The following ARHGEF40 variants were observed in gnomAD, a reference collection of about 807,000 sequenced individuals.
ARHGEF40 encodes Rho guanine nucleotide exchange factor (GEF) 40.
ARHGEF40 carries 98 observed loss-of-function variants against 165.9 expected under a neutral mutation model. The observed-to-expected ratio is 0.59, with a 90% CI of 0.50 to 0.70. The LOEUF is 0.70. Among genes scored for constraint, ARHGEF40 ranks in the 30% least tolerant of loss-of-function variants. The probability of loss-of-function intolerance (pLI) is 0.00; values close to 1 mark genes in which losing one functional copy is unlikely to be tolerated. For missense variants in ARHGEF40, 1,815 were observed against 1,968.0 expected (o/e 0.92, Z 1.47); for synonymous variants, 792 against 814.3 (o/e 0.97, Z 0.47).
chr14:21,086,343 T>C (rs1888329543), intron 19 of ARHGEF40: 1 of 158,060 alleles, frequency 6.3e-6, no homozygotes, highest in African/African-American at 2.4e-5. Context: ...GCCACTGTAC[T>C]TGAGCCTGAG....
chr14:21,070,310 G>A lies in ARHGEF40; in HGVS notation c.-87G>A, dbSNP rs1026561734. The A allele has an allele frequency of 5.4e-5, 74 of 1,369,636 alleles. No homozygotes were observed. Among genetic ancestry groups the A allele is most frequent in the Non-Finnish European group, 6.7e-5 (71 of 1,060,344 alleles). The allele number at this position is 1,369,636 out of a possible 1,614,324, so 84.8% of individuals were successfully genotyped here. On this transcript the variant is annotated 5_prime_UTR_variant, in exon 1 of 24. Transcript: ENST00000298694. The surrounding 1 kb of genome is among the most constrained non-coding windows in gnomAD (Gnocchi z 4.7). Reference sequence around the variant, plus strand: ...CCGGAGCTGTCCCTTAGCCAGACCCGGCGAGACACGAGCGGCGGGAGGGAG... The same window carrying A: ...CCGGAGCTGTCCCTTAGCCAGACCCAGCGAGACACGAGCGGCGGGAGGGAG...
Position 21,081,407 on chromosome 14 carries a change from G to C in ARHGEF40, c.2641-102G>C, listed in dbSNP as rs1030882130. On this transcript the variant is annotated intron_variant, in intron 13 of 23. Transcript: ENST00000298694. ...AAAACAGGAGAGTGACGGGCATTGGGAGGCCACAGGCAAGAGGACAAGGGC... is the reference window on the plus strand; with the variant it reads ...AAAACAGGAGAGTGACGGGCATTGGCAGGCCACAGGCAAGAGGACAAGGGC... 5 of 1,482,440 alleles carry C rather than the reference G, an allele frequency of 3.4e-6. No individual in the cohort carries two copies. In the African/African-American group the frequency reaches 7.0e-5, roughly 21 times the overall value. 91.8% of individuals were successfully genotyped at this position (1,482,440 alleles called of 1,614,324 possible). A position where few individuals can be genotyped will look rare whatever the true frequency, so the allele number is the denominator to read the frequency against.
rs1307162790 is a variant in ARHGEF40, at chr14:21,075,041, C to T, written c.1311C>T (p.Gly437=). ...ECHLVKEEYE[G]SGKPESEPKE... ...ACCTGGTTAAGGAGGAATATGAAGG[C>T]TCAGGGAAGCCAGAATCTGAGCCAA... Residue 437 remains glycine, a synonymous_variant, in exon 3 of 24, where the codon GGC becomes GGT. Transcript: ENST00000298694. This position sits in a 1 kb window ranked among gnomAD's most constrained non-coding sequence, Gnocchi z 4.5. The T allele has an allele frequency of 3.1e-6, 5 of 1,613,886 alleles. No homozygotes were observed. The highest frequency in any genetic ancestry group is 4.2e-6 in the Non-Finnish European group (5 of 1,180,024).
intron 8 of ARHGEF40, among the ~76,000 whole-genome samples, chr14:21,077,104 A>C (rs1213251146): frequency 6.6e-6 from 1 of 151,882 alleles, no homozygotes; most frequent in Non-Finnish European, 1.5e-5. Context: ...GAGTATGATA[A>C]ATTATTATAA....
At position 21,081,014 on chromosome 14, in the gene ARHGEF40, C is replaced by A. The variant is rs1240403544; in HGVS notation, c.2638C>A (p.Gln880Lys). 6.2e-7 allele frequency: 1 copy of A among 1,611,944 alleles called. No homozygotes were observed. Among genetic ancestry groups the A allele is most frequent in the Admixed American group, 1.7e-5 (1 of 59,628 alleles). The change falls in exon 13 of 24, where the codon CAG (glutamine) becomes AAG (lysine). Residue 880 changes from glutamine to lysine, a missense_variant and splice_region_variant. Transcript: ENST00000298694. ...CCTGCGGCTACAGCGCTTCTTCCAGCAGGTGCATGCAGAGCCTTTTCCTTC... is the reference window on the plus strand; with the variant it reads ...CCTGCGGCTACAGCGCTTCTTCCAGAAGGTGCATGCAGAGCCTTTTCCTTC... ...RALRLQRFFQQAHEWVDEGFA... is the reference protein window; with the variant it reads ...RALRLQRFFQKAHEWVDEGFA...
rs1594587334 is a variant in ARHGEF40 at position 21,088,847 on chromosome 14, G to A, written c.4536G>A (p.Leu1512=). The change falls in exon 23 of 24, where the codon CTG becomes CTA. Residue 1512 remains leucine, a synonymous_variant. Coordinates refer to ENST00000298694, the MANE Select transcript of ARHGEF40 (RefSeq NM_018071.5). ...CCCCCCAGAGTCATGCTCGAGCCCT[G>A]AGTGACCCCACCACGCCTCTGTGAC... ...GLSRQSHARA[L]SDPTTPL The A allele has an allele frequency of 2.5e-6, 4 of 1,613,228 alleles. No homozygotes were observed. Among genetic ancestry groups the A allele is most frequent in the Non-Finnish European group, 3.4e-6 (4 of 1,179,486 alleles).
chr14:21,078,026 C>T (rs1355251515), intron 8 of ARHGEF40, 151 bp from the exon 9 acceptor site: 1 of 639,784 alleles, frequency 1.6e-6, no homozygotes, highest in Non-Finnish European at 2.6e-6. Context: ...CTGAACCTGC[C>T]CAACCTCATA....
In ARHGEF40 at chr14:21,080,855, G is replaced by A. The variant is rs768141514; in HGVS notation, c.2497-18G>A. Reference sequence around the variant, plus strand: ...CTAGGAGTGAGGACCAGGTCTGAGCGCAGCCTCCCTTCTCCAGGAGCGCCT... The same window carrying A: ...CTAGGAGTGAGGACCAGGTCTGAGCACAGCCTCCCTTCTCCAGGAGCGCCT... On this transcript the variant is annotated intron_variant, in intron 12 of 23. Transcript: ENST00000298694. 4.3e-6 allele frequency: 7 copies of A among 1,611,386 alleles called. No homozygotes were observed. The highest frequency in any genetic ancestry group is 1.3e-5 in the African/African-American group (1 of 74,878).
intron 21 of ARHGEF40, 98 bp downstream of exon 21, chr14:21,087,561 C>T: frequency 2.6e-6 from 4 of 1,515,988 alleles, no homozygotes; most frequent in Non-Finnish European, 3.6e-6. Flanking sequence ...AGCCAAGAAG[C>T]CCAGTTGCCA....
intron 10 of ARHGEF40, 96 bp downstream of exon 10, chr14:21,078,584 G>A: frequency 7.9e-7 from 1 of 1,264,726 alleles, no homozygotes; most frequent in African/African-American, 1.5e-5. Flanking sequence ...CATTCTTACT[G>A]TGCATGTATC....
In ARHGEF40 at chr14:21,075,138, G is replaced by C. The variant is rs549880680; in HGVS notation, c.1408G>C (p.Gly470Arg). 9.9e-6 allele frequency: 16 copies of C among 1,611,294 alleles called. No homozygotes were observed. The African/African-American group carries it at 2.0e-4, about 20-fold the overall frequency. Residue 470 changes from glycine (G) to arginine (R), a missense_variant, in exon 3 of 24, where the codon GGA becomes CGA. By Grantham distance (125) the Gly-to-Arg change is moderately radical. Coordinates refer to ENST00000298694, the MANE Select transcript of ARHGEF40 (RefSeq NM_018071.5). The surrounding 1 kb of genome is among the most constrained non-coding windows in gnomAD (Gnocchi z 4.5). ...EACGPTEEGA[G>R]ERELEGPGLL... is the part of the protein sequence containing the mutation. ...CTGTGGGCCTACAGAAGAGGGGGCC[G>C]GAGAGAGAGAGCTGGAGGGGCCAGG...
chr14:21,081,082 A>G, intron 13 of ARHGEF40, 66 bp downstream of exon 13: 1 of 1,553,016 alleles, frequency 6.4e-7, no homozygotes, highest in Non-Finnish European at 8.7e-7. Flanking sequence ...TTCTGCCTGG[A>G]GAGGCTAATC....
intron 1 of ARHGEF40, among the ~76,000 whole-genome samples, chr14:21,071,823 G>A (rs1886923918): frequency 1.3e-5 from 2 of 152,324 alleles, no homozygotes; most frequent in South Asian, 2.1e-4. Context: ...GGAACACTGG[G>A]GGTCTGTCTG....
rs1247941689 is a variant in ARHGEF40, at chr14:21,090,192, G to A, written c.*1184G>A. 3.6e-6 allele frequency: 2 copies of A among 548,084 alleles called. No homozygotes were observed. Among genetic ancestry groups the A allele is most frequent in the Non-Finnish European group, 7.0e-6 (2 of 286,224 alleles). The allele number at this position is 548,084 out of a possible 1,614,324, so 34.0% of individuals were successfully genotyped here. A position where few individuals can be genotyped will look rare whatever the true frequency, so the allele number is the denominator to read the frequency against. On this transcript the variant is annotated 3_prime_UTR_variant, in exon 24 of 24. Coordinates refer to ENST00000298694, the MANE Select transcript of ARHGEF40 (RefSeq NM_018071.5). This position sits in a 1 kb window ranked among gnomAD's most constrained non-coding sequence, Gnocchi z 4.4. ...CCTGATGGGGCTAGAAGGGTACAGTGCCCCCCACCCTCACCCCTTGTACAA... is the reference window on the plus strand; with the variant it reads ...CCTGATGGGGCTAGAAGGGTACAGTACCCCCCACCCTCACCCCTTGTACAA...
chr14:21,082,464 T>C lies in ARHGEF40; in HGVS notation c.3472T>C (p.Cys1158Arg). The change falls in exon 15 of 24, where the codon TGC becomes CGC. Residue 1158 changes from cysteine to arginine, a missense_variant. Cys to Arg is a radical substitution (Grantham distance 180). Transcript: ENST00000298694. ...CATHPLRIGACFLRHGDQFSL... is the reference protein window; with the variant it reads ...CATHPLRIGARFLRHGDQFSL... The stretch of plus-strand genomic sequence containing the variant: ...CACCCACCCCCTACGCATTGGGGCC[T>C]GCTTCCTTCGCCACGTGAGTGATCC... 1.9e-6 allele frequency: 3 copies of C among 1,589,022 alleles called. No homozygotes were observed. The highest frequency in any genetic ancestry group is 2.6e-6 in the Non-Finnish European group (3 of 1,165,364).
At position 21,087,474 on chromosome 14, in the gene ARHGEF40, T is replaced by C; in HGVS notation, c.4387+11T>C. ...AGCAAATTTCCCTGGGTGAGGCACCTCTCAAGGGGTGGCTCCCAACAGCTC... is the reference window on the plus strand; with the variant it reads ...AGCAAATTTCCCTGGGTGAGGCACCCCTCAAGGGGTGGCTCCCAACAGCTC... On this transcript the variant is annotated intron_variant, in intron 21 of 23. Transcript: ENST00000298694. 6.3e-7 allele frequency: 1 copy of C among 1,599,916 alleles called. No homozygotes were observed. The highest frequency in any genetic ancestry group is 8.5e-7 in the Non-Finnish European group (1 of 1,179,476).
Position 21,076,832 on chromosome 14 carries a change from AG to A in ARHGEF40, c.1977del (p.Gln659HisfsTer4). The A allele has an allele frequency of 1.2e-6, 2 of 1,614,024 alleles. No homozygotes were observed. Among genetic ancestry groups the A allele is most frequent in the South Asian group, 2.2e-5 (2 of 91,078 alleles). ...LKRVAKPEELQWELGGHRDPS... is the reference protein window; with the variant it reads ...LKRVAKPEELXWELGGHRDPS... Reference sequence around the variant, plus strand: ...AGAGTGGCCAAGCCAGAGGAGCTGCAGTGGGAGTTAGGAGGTCACAGGGACC... The same window carrying A: ...AGAGTGGCCAAGCCAGAGGAGCTGCATGGGAGTTAGGAGGTCACAGGGACC... On this transcript the variant is annotated frameshift_variant, in exon 8 of 24. Transcript: ENST00000298694. LOFTEE classifies it high-confidence loss of function.
chr14:21,069,195 CG>C (rs1269643810), upstream of ARHGEF40, among the ~76,000 whole-genome samples: 1 of 152,262 alleles, frequency 6.6e-6, no homozygotes, highest in Non-Finnish European at 1.5e-5. Flanking sequence ...TGCCTCCCCC[CG>C]GGCTCCTGGG....
In ARHGEF40 at chr14:21,081,980, C is replaced by T. The variant is rs1485899766; in HGVS notation, c.3112C>T (p.Arg1038Ter). 8.2e-6 allele frequency: 13 copies of T among 1,591,194 alleles called. No individual in the cohort carries two copies. Among genetic ancestry groups the T allele is most frequent in the South Asian group, 1.1e-5 (1 of 87,994 alleles). ...EGRPPRAVLI[R>*]GLEVTSTEVV... is the part of the protein sequence containing the mutation. Reference sequence around the variant, plus strand: ...CAGGCCCCCAAGAGCTGTGCTGATCCGAGGCCTGGAGGTCACCAGCACTGA... The same window carrying T: ...CAGGCCCCCAAGAGCTGTGCTGATCTGAGGCCTGGAGGTCACCAGCACTGA... Residue 1038 changes from arginine (R) to a stop codon, truncating the protein, a stop_gained, in exon 14 of 24, where the codon CGA becomes TGA. Coordinates refer to ENST00000298694, the MANE Select transcript of ARHGEF40 (RefSeq NM_018071.5). LOFTEE classifies it high-confidence loss of function.
Sources: allele counts gnomAD v4.1 joint callset (sites outside exome capture counted in the v4.1 genomes callset), GRCh38; gene constraint gnomAD v4.1.1; non-coding constraint Gnocchi (gnomAD v3.1); transcripts MANE v1.5; gene names NCBI Gene and HGNC (gene_info 2026-07-23, HGNC 2026-07-21).